Variants in GSPT1 observed in about 807,000 individuals in gnomAD.
GSPT1 encodes eukaryotic peptide chain release factor GTP-binding subunit ERF3A.
GSPT1 carries 20 observed loss-of-function variants against 72.5 expected under a neutral mutation model. The observed-to-expected ratio is 0.28, with a 90% CI of 0.19 to 0.40. GSPT1 has a LOEUF of 0.40. Ranked by LOEUF, GSPT1 falls within the 10% of genes least tolerant of loss-of-function variation. GSPT1 has a pLI of 1.00. For missense variants in GSPT1, 580 were observed against 811.9 expected (o/e 0.71, Z 3.47); for synonymous variants, 334 against 293.5 (o/e 1.14, Z -1.41).
intron 9 of GSPT1, among the ~76,000 whole-genome samples, chr16:11,885,749 G>A (rs1397440945): frequency 2.6e-5 from 4 of 151,992 alleles, no homozygotes; most frequent in Admixed American, 6.6e-5. Flanking sequence ...AAAATCAGCC[G>A]GGTGCGGTGG....
intron 14 of GSPT1, 126 bp from the exon 15 acceptor site, chr16:11,873,297 C>A: frequency 5.4e-6 from 3 of 557,664 alleles, no homozygotes; most frequent in Non-Finnish European, 6.4e-6. Context: ...ACTAGCTTTA[C>A]TGCCAAACCC....
intron 6 of GSPT1, among the ~76,000 whole-genome samples, chr16:11,890,312 T>G (rs927938886): frequency 6.6e-6 from 1 of 152,146 alleles, no homozygotes; most frequent in African/African-American, 2.4e-5. Flanking sequence ...TTTTGAAAAC[T>G]GAAAGCCACT....
intron 6 of GSPT1, chr16:11,890,813 T>C (rs2054249420): frequency 3.7e-6 from 1 of 270,902 alleles, no homozygotes; most frequent in Non-Finnish European, 6.9e-6. Flanking sequence ...AATCACCCAA[T>C]TAAATGGATG....
intron 6 of GSPT1, among the ~76,000 whole-genome samples, chr16:11,889,329 CTTTTTT>C (rs902991145): frequency 1.7e-5 from 1 of 60,040 alleles, no homozygotes; most frequent in Non-Finnish European, 3.0e-5. Flanking sequence ...CCCTCTTCTT[CTTTTTT>C]TTTTTTTTTT....
chr16:11,875,782 G>T lies in GSPT1; in HGVS notation c.1840C>A (p.Arg614Ser). 6.2e-7 allele frequency: 1 copy of T among 1,609,920 alleles called. No homozygotes were observed. The highest frequency in any genetic ancestry group is 1.1e-5 in the South Asian group (1 of 90,452). ...ETFKDFPQMG[R>S]FTLRDEGKTI... ...TTACCCTCATCTCTTAAGGTGAAAC[G>T]ACCCATCTGAGGGAAGTCTTTAAAG... Residue 614 changes from arginine to serine, a missense_variant, in exon 14 of 15, where the codon CGT becomes AGT. Coordinates refer to ENST00000434724, the MANE Select transcript of GSPT1 (RefSeq NM_002094.4).
Position 11,877,544 on chromosome 16 carries a change from C to T in GSPT1, c.1465G>A (p.Val489Ile). 6.2e-7 allele frequency: 1 copy of T among 1,602,498 alleles called. No homozygotes were observed. Among genetic ancestry groups the T allele is most frequent in the Non-Finnish European group, 8.5e-7 (1 of 1,176,306 alleles). Reference sequence around the variant, plus strand: ...CCTGGGGCTACGGTATCAGTCTCTACATCATCGGAAAGTATTCCAAGAACT... The same window carrying T: ...CCTGGGGCTACGGTATCAGTCTCTATATCATCGGAAAGTATTCCAAGAACT... ...VEVLGILSDDVETDTVAPGEN... is the reference protein window; with the variant it reads ...VEVLGILSDDIETDTVAPGEN... Residue 489 changes from valine (V) to isoleucine (I), a missense_variant, in exon 12 of 15, where the codon GTA becomes ATA. Physicochemically the swap from Val to Ile is conservative, Grantham distance 29. This residue lies in a region of GSPT1 where 120 missense variants were observed against 242.5 expected (regional missense o/e 0.49). Transcript: ENST00000434724. The surrounding 1 kb of genome is among the most constrained non-coding windows in gnomAD (Gnocchi z 4.0).
At chr16:11,907,288 T>C (rs1391847368) in intron 1 of GSPT1, among the ~76,000 whole-genome samples, 4 of 152,154 alleles carry the variant, frequency 2.6e-5, no homozygotes, top group Non-Finnish European at 4.4e-5. Flanking sequence ...TAGCAGTCAC[T>C]ACTAGAATAA....
At chr16:11,911,852 G>GTCTTTTT (rs1248759113) in intron 1 of GSPT1, among the ~76,000 whole-genome samples, 1 of 60,416 alleles carries the variant, frequency 1.7e-5, no homozygotes. Flanking sequence ...GCACCCAGCT[G>GTCTTTTT]TATTTTTTTT....
In GSPT1 at chr16:11,891,147, C is replaced by G. The variant is rs1473239932; in HGVS notation, c.699-8G>C. On this transcript the variant is annotated splice_polypyrimidine_tract_variant and splice_region_variant and intron_variant, in intron 5 of 14. Coordinates refer to ENST00000434724, the MANE Select transcript of GSPT1 (RefSeq NM_002094.4). ...ACCATTCCAGTCAAATACCTGAAAA[C>G]ATTTAAAGAAAAAAAAAAGTAAACA... is the stretch of plus-strand genomic sequence containing the variant. 1 of 1,356,778 alleles carries G rather than the reference C, an allele frequency of 7.4e-7. No homozygotes were observed. Among genetic ancestry groups the G allele is most frequent in the East Asian group, 2.6e-5 (1 of 38,504 alleles). The allele number at this position is 1,356,778 out of a possible 1,614,324, so 84.0% of individuals were successfully genotyped here.
Position 11,892,506 on chromosome 16 carries a change from C to CAAAAAAAAAAAAAAAAAAAAAA in GSPT1, c.699-1368_699-1367insTTTTTTTTTTTTTTTTTTTTTT, listed in dbSNP as rs777010436. ...CCTAAACAACAGGGAGACCCTTTCTCAAAAAAACAAAAAAAACAAAAAAAA... is the reference window on the plus strand; with the variant it reads ...CCTAAACAACAGGGAGACCCTTTCTCAAAAAAAAAAAAAAAAAAAAAAAAAAAAACAAAAAAAACAAAAAAAA... On this transcript the variant is annotated intron_variant, in intron 5 of 14. Transcript: ENST00000434724. 1.7e-4 allele frequency among the ~76,000 whole-genome samples: 10 copies of CAAAAAAAAAAAAAAAAAAAAAA among 60,082 alleles called. 1 individual carries two copies. Among genetic ancestry groups the CAAAAAAAAAAAAAAAAAAAAAA allele is most frequent in the East Asian group, 5.4e-4 (1 of 1,836 alleles). The allele number at this position is 60,082 out of a possible 152,430, so 39.4% of individuals were successfully genotyped here.
intron 1 of GSPT1, among the ~76,000 whole-genome samples, chr16:11,909,658 C>T (rs1468238481): frequency 6.6e-6 from 1 of 152,166 alleles, no homozygotes; most frequent in African/African-American, 2.4e-5. Context: ...GGCACAGTGG[C>T]TCTCGCCTGT....
intron 1 of GSPT1, among the ~76,000 whole-genome samples, chr16:11,904,820 T>C (rs545583866): frequency 1.3e-5 from 2 of 152,304 alleles, no homozygotes; most frequent in East Asian, 3.9e-4. Context: ...GTGTAGTGGC[T>C]CATGCCTGTA....
chr16:11,891,294 CAT>C (rs1369995293), intron 5 of GSPT1, among the ~76,000 whole-genome samples, 155 bp from the exon 6 acceptor site: 7 of 146,830 alleles, frequency 4.8e-5, no homozygotes, highest in South Asian at 2.1e-4. Context: ...ATATATATAA[CAT>C]ATATAACATA....
rs1391353241 is a variant in GSPT1 at position 11,870,775 on chromosome 16, A to C, written c.*2344T>G. ...TTTCTTTTGAATAATCTAATCTTGC[A>C]AATATGCAAGAATCCAGTGGAATTT... is the stretch of plus-strand genomic sequence containing the variant. On this transcript the variant is annotated 3_prime_UTR_variant, in exon 15 of 15. Transcript: ENST00000434724. The C allele has an allele frequency of 6.6e-6, 1 of 152,216 alleles. No individual in the cohort carries two copies. Among genetic ancestry groups the C allele is most frequent in the East Asian group, 1.9e-4 (1 of 5,202 alleles). The allele number at this position is 152,216 out of a possible 1,614,324, so 9.4% of individuals were successfully genotyped here. A position where few individuals can be genotyped will look rare whatever the true frequency, so the allele number is the denominator to read the frequency against.
intron 4 of GSPT1, 68 bp downstream of exon 4, chr16:11,896,490 A>C (rs1329189523): frequency 1.2e-6 from 1 of 837,464 alleles, no homozygotes. Context: ...AAACATCTCC[A>C]GGTAGCTAAA....
At chr16:11,895,917 G>A (rs2054331450) in intron 4 of GSPT1, among the ~76,000 whole-genome samples, 1 of 152,218 alleles carries the variant, frequency 6.6e-6, no homozygotes, top group Non-Finnish European at 1.5e-5. Flanking sequence ...CAGCCACAGT[G>A]CCCAGCCGCT....
intron 11 of GSPT1, among the ~76,000 whole-genome samples, chr16:11,879,734 G>A (rs1381375665): frequency 4.0e-5 from 5 of 124,812 alleles, no homozygotes; most frequent in Non-Finnish European, 6.2e-5. Context: ...GCGAGACTCC[G>A]TCTCAAAAAA....
chr16:11,878,469 C>G (rs1372723754), intron 11 of GSPT1, among the ~76,000 whole-genome samples: 1 of 151,930 alleles, frequency 6.6e-6, no homozygotes, highest in Non-Finnish European at 1.5e-5. Flanking sequence ...GTCCACATGC[C>G]TTTAGCCCCG....
intron 10 of GSPT1, among the ~76,000 whole-genome samples, chr16:11,884,125 A>C (rs930037496): frequency 1.3e-5 from 2 of 152,216 alleles, no homozygotes; most frequent in African/African-American, 4.8e-5. Flanking sequence ...ATACCGCAAA[A>C]CTTAAAAATT....
Sources: allele counts gnomAD v4.1 joint callset (sites outside exome capture counted in the v4.1 genomes callset), GRCh38; gene constraint gnomAD v4.1.1; regional missense constraint gnomAD v4.1.1; non-coding constraint Gnocchi (gnomAD v3.1); transcripts MANE v1.5; gene names NCBI Gene and HGNC (gene_info 2026-07-23, HGNC 2026-07-21).